SMYD3: variants seen among roughly 807,000 people sequenced by gnomAD.
SMYD3 encodes the protein histone-lysine N-methyltransferase SMYD3.
A neutral mutation model predicts 57.7 loss-of-function variants in SMYD3; 36 were observed. The ratio of observed to expected loss-of-function variants is 0.62; its 90% CI spans 0.48 to 0.82. The LOEUF (loss-of-function observed/expected upper bound fraction) is 0.82, where lower values mean the gene tolerates loss of function less well. SMYD3 is among the 40% of genes least tolerant of loss of function. SMYD3 has a pLI of 0.00. For missense variants in SMYD3, 515 were observed against 538.8 expected (o/e 0.96, Z 0.44); for synonymous variants, 211 against 195.0 (o/e 1.08, Z -0.68).
At chr1:245,814,886 G>A (rs940886156) in intron 10 of SMYD3, among the ~76,000 whole-genome samples, 1 of 150,180 alleles carries the variant, frequency 6.7e-6, no homozygotes, top group African/African-American at 2.5e-5. Context: ...ACGCACACAC[G>A]CATGCACACA....
At chr1:246,402,472 G>C (rs1188317901) in intron 1 of SMYD3, among the ~76,000 whole-genome samples, 1 of 151,710 alleles carries the variant, frequency 6.6e-6, no homozygotes, top group Non-Finnish European at 1.5e-5. Context: ...GGGTTAGAGA[G>C]GTTAATCGAG....
At chr1:245,833,073 A>AAAAC in intron 10 of SMYD3, among the ~76,000 whole-genome samples, 51 of 128,658 alleles carry the variant, frequency 4.0e-4, no homozygotes, top group Middle Eastern at 3.8e-3. Context: ...AAAAAAAAAA[A>AAAAC]AACCTGCTTT....
At chr1:246,498,456 G>A (rs933422301) in intron 1 of SMYD3, among the ~76,000 whole-genome samples, 2 of 152,150 alleles carry the variant, frequency 1.3e-5, no homozygotes, top group African/African-American at 4.8e-5. Context: ...CATATAGGCC[G>A]GGCACAGTGG....
intron 5 of SMYD3, among the ~76,000 whole-genome samples, chr1:246,215,727 A>AC (rs2063154057): frequency 1.3e-5 from 2 of 152,080 alleles, no homozygotes; most frequent in African/African-American, 4.8e-5. Context: ...GAAATGTCCA[A>AC]ACTGCTTCTG....
chr1:246,283,819 C>T (rs2064500463), intron 5 of SMYD3, among the ~76,000 whole-genome samples: 1 of 152,146 alleles, frequency 6.6e-6, no homozygotes, highest in South Asian at 2.1e-4. Context: ...GAGTCATAAA[C>T]AAAAACTGCA....
At chr1:246,155,312 C>T (rs1353744884) in intron 5 of SMYD3, among the ~76,000 whole-genome samples, 1 of 152,168 alleles carries the variant, frequency 6.6e-6, no homozygotes, top group Non-Finnish European at 1.5e-5. Flanking sequence ...ACAGCAAATT[C>T]CAATTCTTTC....
intron 5 of SMYD3, among the ~76,000 whole-genome samples, chr1:246,254,713 T>C (rs2063852976): frequency 6.6e-6 from 1 of 152,246 alleles, no homozygotes; most frequent in South Asian, 2.1e-4. Context: ...ATCTGTAGAC[T>C]GCTATGGGCA....
intron 1 of SMYD3, among the ~76,000 whole-genome samples, chr1:246,407,093 T>A (rs2066877239): frequency 6.6e-6 from 1 of 152,186 alleles, no homozygotes; most frequent in Non-Finnish European, 1.5e-5. Flanking sequence ...AGTTTGGTTT[T>A]CACAATAATT....
chr1:245,773,808 T>A (rs2046431706), intron 10 of SMYD3, among the ~76,000 whole-genome samples: 1 of 152,218 alleles, frequency 6.6e-6, no homozygotes, highest in East Asian at 1.9e-4. Context: ...AAAAACTGCA[T>A]TTATTCTGTA....
At chr1:245,897,813 T>C (rs2148605506) in intron 8 of SMYD3, among the ~76,000 whole-genome samples, 1 of 151,990 alleles carries the variant, frequency 6.6e-6, no homozygotes, top group East Asian at 1.9e-4. Context: ...GCAGGAGAAT[T>C]ACTGAAACCT....
chr1:246,095,705 C>A (rs926544006), intron 5 of SMYD3, among the ~76,000 whole-genome samples: 1 of 152,206 alleles, frequency 6.6e-6, no homozygotes, highest in African/African-American at 2.4e-5. Context: ...CAGTGAGACT[C>A]TGTCTGTACA....
At chr1:246,500,774 C>G (rs1390874027) in intron 1 of SMYD3, among the ~76,000 whole-genome samples, 1 of 152,312 alleles carries the variant, frequency 6.6e-6, no homozygotes, top group East Asian at 1.9e-4. Flanking sequence ...TTACTGCTAT[C>G]CACAAAGCAG....
At chr1:246,095,139 A>G (rs1025426345) in intron 5 of SMYD3, among the ~76,000 whole-genome samples, 1 of 152,142 alleles carries the variant, frequency 6.6e-6, no homozygotes, top group African/African-American at 2.4e-5. Context: ...CAGCACTGGA[A>G]TGTGTTTGTC....
chr1:245,833,463 TTC>T (rs1361741338), intron 10 of SMYD3, among the ~76,000 whole-genome samples: 1 of 152,074 alleles, frequency 6.6e-6, no homozygotes, highest in Non-Finnish European at 1.5e-5. Flanking sequence ...TGATCTGTGT[TTC>T]TCTCTTGCTT....
chr1:246,015,940 T>C (rs77860395), intron 5 of SMYD3, among the ~76,000 whole-genome samples: 5,080 of 152,212 alleles, frequency 0.033, 287 homozygotes, highest in African/African-American at 0.12. Flanking sequence ...CTGGATCATA[T>C]AATAATTTTA....
At chr1:245,866,621 A>G (rs2051865049) in intron 8 of SMYD3, among the ~76,000 whole-genome samples, 1 of 152,146 alleles carries the variant, frequency 6.6e-6, no homozygotes, top group Admixed American at 6.5e-5. Context: ...AATCCCAGAT[A>G]CTTGGGAGGC....
chr1:246,403,118 T>G (rs1305582356), intron 1 of SMYD3, among the ~76,000 whole-genome samples: 1 of 152,142 alleles, frequency 6.6e-6, no homozygotes, highest in East Asian at 1.9e-4. Flanking sequence ...TTAAGGGTGA[T>G]CCTGGACTAC....
chr1:246,197,249 C>T lies in SMYD3; in HGVS notation c.531+129952G>A, dbSNP rs565536538. The stretch of plus-strand genomic sequence containing the variant: ...CCTTCAAGGAGGTGGAACGTGGCTC[C>T]CCTCTCCTTAGGTCTGGGTGGTGCC... On this transcript the variant is annotated intron_variant, in intron 5 of 11. Coordinates refer to ENST00000490107, the MANE Select transcript of SMYD3 (RefSeq NM_001167740.2). Among the ~76,000 whole-genome samples, 9 of 152,252 alleles carry T rather than the reference C, an allele frequency of 5.9e-5. No homozygotes were observed. In the South Asian group the frequency reaches 1.9e-3, roughly 32 times the overall value.
At chr1:246,398,460 T>A (rs1433276319) in intron 1 of SMYD3, among the ~76,000 whole-genome samples, 1 of 152,246 alleles carries the variant, frequency 6.6e-6, no homozygotes, top group Non-Finnish European at 1.5e-5. Flanking sequence ...TAGATGAGAA[T>A]CTATAATAAG....
Sources: gnomAD v4.1 joint callset for allele counts (sites outside exome capture counted in the v4.1 genomes callset) on GRCh38, gnomAD v4.1.1 for gene constraint, MANE v1.5 for transcripts, NCBI Gene and HGNC (gene_info 2026-07-23, HGNC 2026-07-21) for gene names.